The following MAP3K13 variants were observed in gnomAD, a reference collection of about 807,000 sequenced individuals.
MAP3K13 encodes leucine zipper-bearing kinase.
MAP3K13 carries 52 observed loss-of-function variants against 104.0 expected under a neutral mutation model. The ratio of observed to expected loss-of-function variants is 0.50; its 90% CI spans 0.40 to 0.63. The LOEUF (loss-of-function observed/expected upper bound fraction) is 0.63. Among genes scored for constraint, MAP3K13 ranks in the 20% least tolerant of loss-of-function variants. The pLI, the probability that MAP3K13 is intolerant of heterozygous loss-of-function variation, is 0.00. For missense variants in MAP3K13, 914 were observed against 1,218.5 expected (o/e 0.75, Z 3.72); for synonymous variants, 394 against 442.2 (o/e 0.89, Z 1.37).
At chr3:185,362,949 A>G (rs574756588), upstream of MAP3K13, 1,072 of 146,348 alleles carry the variant, frequency 7.3e-3, 8 homozygotes, top group African/African-American at 0.027. Flanking sequence ...ACACACACAC[A>G]CACACACGCA....
intron 2 of MAP3K13, among the ~76,000 whole-genome samples, chr3:185,431,569 T>A (rs1313973027): frequency 6.6e-6 from 1 of 152,148 alleles, no homozygotes; most frequent in Non-Finnish European, 1.5e-5. Context: ...TTTTTATGAG[T>A]TCTCTCACCA....
At chr3:185,462,588 C>A (rs1206957479) in intron 7 of MAP3K13, among the ~76,000 whole-genome samples, 1 of 152,026 alleles carries the variant, frequency 6.6e-6, no homozygotes, top group Non-Finnish European at 1.5e-5. Flanking sequence ...GCCTGGACAA[C>A]AAGGTGAAAT....
rs10545329 is a variant in MAP3K13 at position 185,332,226 on chromosome 3, TCCC to T, written c.-86+46591_-86+46593del. Among the ~76,000 whole-genome samples, 404 of 151,308 alleles carry T rather than the reference TCCC, an allele frequency of 2.7e-3. 3 individuals carry two copies. Among genetic ancestry groups the T allele is most frequent in the African/African-American group, 9.3e-3 (383 of 41,130 alleles). ...CTTTAGGGATTGTACCAATGTGTAC[TCCC>T]CCCCCCCATTATAAGAGTACTGTTT... is the stretch of plus-strand genomic sequence containing the variant. On this transcript the variant is annotated intron_variant, in intron 2 of 14. Transcript: ENST00000424227.
At chr3:185,291,626 G>A (rs926311256) in intron 2 of MAP3K13, 18 of 1,527,946 alleles carry the variant, frequency 1.2e-5, no homozygotes, top group South Asian at 3.7e-5. Flanking sequence ...CAAGTACCAC[G>A]TTTTTGAAGA....
At chr3:185,453,223 TAACAA>T (rs1715991444) in intron 7 of MAP3K13, among the ~76,000 whole-genome samples, 1 of 152,170 alleles carries the variant, frequency 6.6e-6, no homozygotes. Flanking sequence ...TTATAGAACA[TAACAA>T]AATTACCTAA....
At chr3:185,477,898 A>G (rs1718221034) in intron 12 of MAP3K13, among the ~76,000 whole-genome samples, 2 of 152,152 alleles carry the variant, frequency 1.3e-5, no homozygotes, top group African/African-American at 4.8e-5. Flanking sequence ...GTTTCCTCAC[A>G]TGGCAGAGAG....
At chr3:185,461,778 G>A (rs569268113) in intron 7 of MAP3K13, among the ~76,000 whole-genome samples, 2 of 152,226 alleles carry the variant, frequency 1.3e-5, no homozygotes, top group South Asian at 4.1e-4. Flanking sequence ...GGCCAGGCTG[G>A]TCTTGAACTC....
intron 2 of MAP3K13, among the ~76,000 whole-genome samples, chr3:185,318,793 T>C (rs911010352): frequency 6.6e-6 from 1 of 152,336 alleles, no homozygotes; most frequent in South Asian, 2.1e-4. Flanking sequence ...GTTTATTAAA[T>C]GTTGAGTAGA....
At chr3:185,300,275 C>T (rs1318647546) in intron 2 of MAP3K13, among the ~76,000 whole-genome samples, 4 of 151,130 alleles carry the variant, frequency 2.6e-5, no homozygotes, top group South Asian at 2.1e-4. Flanking sequence ...TTGCAACCTC[C>T]GCCTCCCCGG....
At chr3:185,298,647 TGAGAAGAGACA>T (rs1263454303) in intron 2 of MAP3K13, among the ~76,000 whole-genome samples, 1 of 152,162 alleles carries the variant, frequency 6.6e-6, no homozygotes, top group Non-Finnish European at 1.5e-5. Context: ...GGAGAAAACC[TGAGAAGAGACA>T]GAAGTAATGC....
At chr3:185,453,001 A>C (rs2148898900) in intron 7 of MAP3K13, among the ~76,000 whole-genome samples, 1 of 152,258 alleles carries the variant, frequency 6.6e-6, no homozygotes, top group South Asian at 2.1e-4. Context: ...AAGGGCGCAG[A>C]TCTGGAGAGG....
At chr3:185,307,013 ACT>A (rs1721310325) in intron 2 of MAP3K13, among the ~76,000 whole-genome samples, 1 of 151,872 alleles carries the variant, frequency 6.6e-6, no homozygotes, top group African/African-American at 2.4e-5. Flanking sequence ...GTATCATACC[ACT>A]CTCTCGTCTG....
intron 2 of MAP3K13, among the ~76,000 whole-genome samples, chr3:185,347,101 G>C (rs9882880): frequency 0.27 from 41,140 of 150,290 alleles, 7,897 homozygotes; most frequent in African/African-American, 0.54. Flanking sequence ...ATTCTCCTGC[G>C]TCAGCCTCCT....
intron 2 of MAP3K13, among the ~76,000 whole-genome samples, chr3:185,289,749 G>A (rs1222003118): frequency 6.6e-6 from 1 of 152,126 alleles, no homozygotes. Flanking sequence ...TATATTAATG[G>A]ATATTCAATA....
rs1397310165 is a variant in MAP3K13, at chr3:185,482,062, C to T, written c.2800-293C>T. ...TCGTGCCACTGCACTCCAGCCTGGG[C>T]GACAGAGTGAGACTCCATCTCTAAA... is the stretch of plus-strand genomic sequence containing the variant. On this transcript the variant is annotated intron_variant, in intron 13 of 13. Coordinates refer to ENST00000265026, the MANE Select transcript of MAP3K13 (RefSeq NM_004721.5). The surrounding 1 kb of genome is among the most constrained non-coding windows in gnomAD (Gnocchi z 4.5). Among the ~76,000 whole-genome samples the T allele has an allele frequency of 6.6e-6, 1 of 152,180 alleles. No homozygotes were observed. Among genetic ancestry groups the T allele is most frequent in the Non-Finnish European group, 1.5e-5 (1 of 68,022 alleles).
chr3:185,340,035 G>A (rs1045577256), intron 2 of MAP3K13, among the ~76,000 whole-genome samples: 4 of 151,992 alleles, frequency 2.6e-5, no homozygotes, highest in African/African-American at 9.7e-5. Context: ...AGGGGTGGAG[G>A]GGAGGTGTCT....
At chr3:185,428,124 A>G (rs1714534355) in intron 1 of MAP3K13, among the ~76,000 whole-genome samples, 2 of 152,220 alleles carry the variant, frequency 1.3e-5, no homozygotes, top group South Asian at 4.1e-4. Flanking sequence ...GAATGCTTAG[A>G]ATACCTTGAA....
chr3:185,393,206 C>T (rs1357644395), intron 1 of MAP3K13, among the ~76,000 whole-genome samples: 1 of 151,644 alleles, frequency 6.6e-6, no homozygotes, highest in Non-Finnish European at 1.5e-5. Flanking sequence ...GTCATACACA[C>T]ATAAAATGAG....
chr3:185,374,323 G>A (rs1724313430), intron 1 of MAP3K13, among the ~76,000 whole-genome samples: 1 of 152,154 alleles, frequency 6.6e-6, no homozygotes, highest in Non-Finnish European at 1.5e-5. Flanking sequence ...GTTGTATGGA[G>A]AGATAATGGG....
Sources: gnomAD v4.1 joint callset for allele counts (sites outside exome capture counted in the v4.1 genomes callset) on GRCh38, gnomAD v4.1.1 for gene constraint, Gnocchi (gnomAD v3.1) non-coding constraint, MANE v1.5 for transcripts, NCBI Gene and HGNC (gene_info 2026-07-23, HGNC 2026-07-21) for gene names.